Variants in AP4E1 observed in about 807,000 individuals in gnomAD.
AP4E1 encodes the protein AP-4 complex subunit epsilon-1.
A neutral mutation model predicts 128.2 loss-of-function variants in AP4E1; 56 were observed. That is an observed-to-expected ratio of 0.44 (90% CI 0.35 to 0.55). AP4E1 has a LOEUF of 0.55. Ranked by LOEUF, AP4E1 falls within the 20% of genes least tolerant of loss-of-function variation. AP4E1 has a pLI of 0.00. For missense variants in AP4E1, 1,324 were observed against 1,307.7 expected, an observed-to-expected ratio of 1.01 and a Z score of -0.19; for synonymous variants, 484 against 473.1, an observed-to-expected ratio of 1.02 and a Z score of -0.30.
intron 19 of AP4E1, 111 bp from the exon 20 acceptor site, chr15:51,000,915 G>A (rs1224350201): frequency 3.4e-6 from 3 of 885,154 alleles, no homozygotes; most frequent in South Asian, 3.2e-5. Flanking sequence ...AAATCTTATG[G>A]GACCCAGATT....
intron 15 of AP4E1, among the ~76,000 whole-genome samples, chr15:50,975,180 T>C (rs543999329): frequency 2.2e-4 from 33 of 152,190 alleles, no homozygotes; most frequent in Admixed American, 1.9e-3. Context: ...CTGAGGTGGG[T>C]GGACCACCTG....
At chr15:50,968,456 A>G in intron 15 of AP4E1, 79 bp downstream of exon 15, 2 of 1,012,004 alleles carry the variant, frequency 2.0e-6, no homozygotes, top group South Asian at 2.9e-5. Context: ...GTAAATAAAT[A>G]AAGATATTTA....
intron 3 of AP4E1, among the ~76,000 whole-genome samples, chr15:50,919,097 G>GT (rs1464562956): frequency 6.6e-6 from 1 of 151,996 alleles, no homozygotes; most frequent in African/African-American, 2.4e-5. Flanking sequence ...AGGCATGGTG[G>GT]TGGGTGCCTG....
intron 7 of AP4E1, among the ~76,000 whole-genome samples, chr15:50,931,735 G>A (rs1205255811): frequency 6.6e-6 from 1 of 152,052 alleles, no homozygotes; most frequent in Non-Finnish European, 1.5e-5. Context: ...ACATCATGAA[G>A]TATTATTCTT....
At chr15:50,958,419 T>A in intron 13 of AP4E1, 73 bp from the exon 14 acceptor site, 1 of 1,281,058 alleles carries the variant, frequency 7.8e-7, no homozygotes, top group Non-Finnish European at 1.1e-6. Flanking sequence ...AGTAGGTACT[T>A]TGTTTAGATT....
In AP4E1 at chr15:50,914,512, G is replaced by A. The variant is rs141581274; in HGVS notation, c.223-936G>A. Reference sequence around the variant, plus strand: ...CTAAATATACAAAAATTAGATGGGCGTGGTGGCGTGCACCTGTGGTCCTGG... The same window carrying A: ...CTAAATATACAAAAATTAGATGGGCATGGTGGCGTGCACCTGTGGTCCTGG... On this transcript the variant is annotated intron_variant, in intron 2 of 20. Transcript: ENST00000261842. Among the ~76,000 whole-genome samples, 56 of 152,034 alleles carry A rather than the reference G, an allele frequency of 3.7e-4. 1 individual carries two copies. In the East Asian group the frequency reaches 0.01, roughly 27 times the overall value.
chr15:50,999,145 A>G lies in AP4E1; in HGVS notation c.2978A>G (p.Gln993Arg), dbSNP rs1284600570. The G allele has an allele frequency of 6.2e-7, 1 of 1,613,942 alleles. No individual in the cohort carries two copies. Among genetic ancestry groups the G allele is most frequent in the Admixed American group, 1.7e-5 (1 of 59,996 alleles). Residue 993 changes from glutamine (Q) to arginine (R), a missense_variant, in exon 19 of 21, where the codon CAG becomes CGG. Gln to Arg is a conservative substitution (Grantham distance 43, BLOSUM62 1). Coordinates refer to ENST00000261842, the MANE Select transcript of AP4E1 (RefSeq NM_007347.5). Reference sequence around the variant, plus strand: ...ACCAAAAGCTTTCAATATAGTGTGCAGATAGAAAAACCTTTTACAGAAGGA... The same window carrying G: ...ACCAAAAGCTTTCAATATAGTGTGCGGATAGAAAAACCTTTTACAGAAGGA... ...ESTKSFQYSV[Q>R]IEKPFTEGNL...
intron 18 of AP4E1, among the ~76,000 whole-genome samples, 174 bp downstream of exon 18, chr15:50,998,057 T>C (rs151162489): frequency 7.9e-5 from 12 of 152,376 alleles, no homozygotes; most frequent in African/African-American, 2.2e-4. Flanking sequence ...ATGTGTATAC[T>C]GCTTACTTCT....
intron 19 of AP4E1, 70 bp from the exon 20 acceptor site, chr15:51,000,956 A>C (rs2064953871): frequency 8.3e-7 from 1 of 1,200,826 alleles, no homozygotes; most frequent in Non-Finnish European, 1.2e-6. Flanking sequence ...CTCATGAGGC[A>C]TTTGAAATTT....
intron 8 of AP4E1, among the ~76,000 whole-genome samples, chr15:50,938,267 C>T (rs1019958907): frequency 3.3e-5 from 5 of 151,976 alleles, no homozygotes; most frequent in African/African-American, 1.2e-4. Context: ...AAAAACACCC[C>T]CAGAAAAGCC....
rs1372152526 is a variant in AP4E1, at chr15:50,970,077, AC to A, written c.1966+1703del. Among the ~76,000 whole-genome samples, 3 of 151,894 alleles carry A rather than the reference AC, an allele frequency of 2.0e-5. No homozygotes were observed. In the East Asian group the frequency reaches 5.8e-4, roughly 29 times the overall value. On this transcript the variant is annotated intron_variant, in intron 15 of 20. Transcript: ENST00000261842. ...ATCTAGCTGTAATTTTTTATCCTTT[AC>A]CCTATTCTTCCCTTACCCCTACCTT...
intron 14 of AP4E1, 23 bp from the exon 15 acceptor site, chr15:50,968,240 A>T (rs200511713): frequency 1.3e-5 from 19 of 1,495,246 alleles, no homozygotes; most frequent in Non-Finnish European, 1.8e-5. Context: ...TTAATTCCTA[A>T]TTTTTGCTTA....
At chr15:50,930,780 A>G (rs1191539845) in intron 6 of AP4E1, 25 bp from the exon 7 acceptor site, 1 of 1,613,384 alleles carries the variant, frequency 6.2e-7, no homozygotes, top group Non-Finnish European at 8.5e-7. Flanking sequence ...GTTATTAACA[A>G]AGTTTTTTTT....
chr15:50,997,286 GA>G (rs750387724), intron 17 of AP4E1, 39 bp from the exon 18 acceptor site: 397 of 1,507,752 alleles, frequency 2.6e-4, no homozygotes, highest in Middle Eastern at 1.9e-4. Context: ...ATGACTAGTA[GA>G]ATGATTTCTT....
chr15:50,993,554 G>A lies in AP4E1; in HGVS notation c.2275G>A (p.Glu759Lys). Reference protein sequence around the residue: ...DQSQVLTQSKEEKEKQLLASS... With the variant: ...DQSQVLTQSKKEKEKQLLASS... ...ATCTCAAGTTCTTACCCAATCTAAAGAGGAGAAAGAAAAGCAGCTGCTGGC... is the reference window on the plus strand; with the variant it reads ...ATCTCAAGTTCTTACCCAATCTAAAAAGGAGAAAGAAAAGCAGCTGCTGGC... The change falls in exon 17 of 21, where the codon GAG becomes AAG. Residue 759 changes from glutamate to lysine, a missense_variant. Transcript: ENST00000261842. 1.2e-6 allele frequency: 2 copies of A among 1,613,954 alleles called. No homozygotes were observed. The highest frequency in any genetic ancestry group is 1.7e-6 in the Non-Finnish European group (2 of 1,179,912).
In AP4E1 at chr15:50,997,797, T is replaced by C. The variant is rs1409406476; in HGVS notation, c.2818T>C (p.Leu940=). The change falls in exon 18 of 21, where the codon TTA becomes CTA. Residue 940 remains leucine, a synonymous_variant. Coordinates refer to ENST00000261842, the MANE Select transcript of AP4E1 (RefSeq NM_007347.5). ...SSYKIWKDDC[L]LMVWSVTNKS... is the part of the protein sequence containing the mutation. ...TTATAAAATTTGGAAAGATGATTGT[T>C]TATTGATGGTCTGGTCAGTCACTAA... 2 of 1,609,432 alleles carry C rather than the reference T, an allele frequency of 1.2e-6. No individual in the cohort carries two copies. Among genetic ancestry groups the C allele is most frequent in the Non-Finnish European group, 1.7e-6 (2 of 1,177,240 alleles).
intron 14 of AP4E1, among the ~76,000 whole-genome samples, chr15:50,965,969 G>GTC (rs1300661444): frequency 5.3e-5 from 8 of 152,076 alleles, no homozygotes; most frequent in African/African-American, 1.9e-4. Context: ...CCAGGCTGGA[G>GTC]TGTAGTGGCA....
chr15:50,974,319 T>A (rs1307824753), intron 15 of AP4E1, among the ~76,000 whole-genome samples: 2 of 148,316 alleles, frequency 1.3e-5, no homozygotes, highest in Admixed American at 6.9e-5. Flanking sequence ...TAGGCTGGAG[T>A]GCAGTAGAAC....
intron 16 of AP4E1, among the ~76,000 whole-genome samples, chr15:50,985,189 T>A (rs1486867976): frequency 5.3e-5 from 8 of 152,092 alleles, no homozygotes; most frequent in Admixed American, 1.3e-4. Flanking sequence ...GTTTGAGTTC[T>A]TTGTAGATTC....
Sources: allele counts gnomAD v4.1 joint callset (sites outside exome capture counted in the v4.1 genomes callset), GRCh38; gene constraint gnomAD v4.1.1; transcripts MANE v1.5; gene names NCBI Gene and HGNC (gene_info 2026-07-23, HGNC 2026-07-21).